Variants in TP53BP1 observed in about 807,000 individuals in gnomAD.
TP53BP1 encodes tumor protein p53 binding protein 1.
Under a neutral mutation model 200.8 loss-of-function variants are expected in TP53BP1, and 61 were observed. The observed-to-expected ratio is 0.30, with a 90% CI of 0.25 to 0.38. The LOEUF is 0.38. Among genes scored for constraint, TP53BP1 ranks in the 10% least tolerant of loss-of-function variants. The pLI is 1.00. For missense variants in TP53BP1, 2,144 were observed against 2,371.9 expected, an observed-to-expected ratio of 0.90 and a Z score of 2.00; for synonymous variants, 822 against 844.3, an observed-to-expected ratio of 0.97 and a Z score of 0.46.
At chr15:43,445,325 G>A (rs2143004615) in intron 14 of TP53BP1, among the ~76,000 whole-genome samples, 1 of 152,134 alleles carries the variant, frequency 6.6e-6, no homozygotes, top group Middle Eastern at 3.4e-3. Flanking sequence ...TACTAAACTT[G>A]CTCCTGTGCC....
intron 1 of TP53BP1, among the ~76,000 whole-genome samples, chr15:43,501,513 C>T (rs904280397): frequency 1.3e-5 from 2 of 152,100 alleles, no homozygotes; most frequent in Admixed American, 6.6e-5. Context: ...CGTGCTTGGC[C>T]AGTAATTTGA....
At chr15:43,434,202 C>G (rs1566931250) in intron 16 of TP53BP1, among the ~76,000 whole-genome samples, 2 of 152,052 alleles carry the variant, frequency 1.3e-5, no homozygotes. Flanking sequence ...CCATGAGTAG[C>G]ACTTACCTCT....
At chr15:43,412,709 C>T (rs576212031) in intron 24 of TP53BP1, 20 of 471,686 alleles carry the variant, frequency 4.2e-5, no homozygotes, top group African/African-American at 1.6e-4. Flanking sequence ...GCCCATAGAA[C>T]GCAAATGGGG....
intron 10 of TP53BP1, among the ~76,000 whole-genome samples, chr15:43,472,401 G>GT (rs1211348453): frequency 7.2e-5 from 11 of 152,040 alleles, no homozygotes; most frequent in Admixed American, 2.0e-4. Flanking sequence ...TGTAGAAATC[G>GT]TAAGAACTTA....
intron 19 of TP53BP1, among the ~76,000 whole-genome samples, 156 bp from the exon 20 acceptor site, chr15:43,421,330 T>C (rs2045391997): frequency 6.6e-6 from 1 of 152,162 alleles, no homozygotes; most frequent in Admixed American, 6.5e-5. Context: ...CAAAATCTCA[T>C]GCAGGGAGTG....
chr15:43,474,882 A>G, intron 9 of TP53BP1, 115 bp from the exon 10 acceptor site: 1 of 660,038 alleles, frequency 1.5e-6, no homozygotes, highest in Non-Finnish European at 2.5e-6. Context: ...ATAAATACTT[A>G]TCAGCACTTT....
chr15:43,491,547 G>A, intron 4 of TP53BP1, 122 bp downstream of exon 4: 2 of 787,952 alleles, frequency 2.5e-6, no homozygotes. Context: ...CAACCCTCAA[G>A]TCCCATTTCC....
chr15:43,459,625 C>A (rs1250043929), intron 11 of TP53BP1, among the ~76,000 whole-genome samples: 1 of 151,486 alleles, frequency 6.6e-6, no homozygotes. Context: ...AAATAAAAGA[C>A]CACACACACT....
At chr15:43,431,997 G>T (rs1011566081) in intron 17 of TP53BP1, among the ~76,000 whole-genome samples, 197 bp downstream of exon 17, 1 of 152,156 alleles carries the variant, frequency 6.6e-6, no homozygotes, top group Non-Finnish European at 1.5e-5. Context: ...TTCCCTAAAA[G>T]ACTATCTAAT....
At chr15:43,487,305 G>A (rs2079059628) in intron 4 of TP53BP1, among the ~76,000 whole-genome samples, 1 of 141,968 alleles carries the variant, frequency 7.0e-6, no homozygotes, top group African/African-American at 2.4e-5. Context: ...AAAAAATACT[G>A]AAAACACCAA....
Position 43,421,158 on chromosome 15 carries a change from T to A in TP53BP1, c.4117A>T (p.Ser1373Cys). 1 of 1,614,104 alleles carries A rather than the reference T, an allele frequency of 6.2e-7. No individual in the cohort carries two copies. Among genetic ancestry groups the A allele is most frequent in the South Asian group, 1.1e-5 (1 of 91,070 alleles). Residue 1373 changes from serine (S) to cysteine (C), a missense_variant, in exon 20 of 28, where the codon AGT (serine) becomes TGT (cysteine). Around this residue, in one of 4 missense-constraint regions of TP53BP1, gnomAD observed 1,700 missense variants for 1,710.3 expected, o/e 0.99. Coordinates refer to ENST00000382044, the MANE Select transcript of TP53BP1 (RefSeq NM_001141980.3). ...TCACACACTGGCGTCCCTGTCTGACTGACCCCTTTTCTAGGACTAGAGAAT... is the reference window on the plus strand; with the variant it reads ...TCACACACTGGCGTCCCTGTCTGACAGACCCCTTTTCTAGGACTAGAGAAT... ...PGKLSPRKGV[S>C]QTGTPVCEED...
intron 12 of TP53BP1, among the ~76,000 whole-genome samples, chr15:43,449,263 T>G (rs943317606): frequency 3.3e-5 from 5 of 152,250 alleles, no homozygotes; most frequent in Non-Finnish European, 7.3e-5. Flanking sequence ...GCATTCATTC[T>G]GTGGTAGCCC....
Position 43,456,843 on chromosome 15 carries a change from C to G in TP53BP1, c.1765G>C (p.Asp589His). 5 of 1,613,940 alleles carry G rather than the reference C, an allele frequency of 3.1e-6. No homozygotes were observed. The highest frequency in any genetic ancestry group is 4.2e-6 in the Non-Finnish European group (5 of 1,180,032). Reference protein sequence around the residue: ...DGEVQLSQNDDKTKGDDTDTR... With the variant: ...DGEVQLSQNDHKTKGDDTDTR... ...TCTGTATCATCTCCCTTTGTTTTGTCATCATTCTGACTCAGTTGTACTTCA... is the reference window on the plus strand; with the variant it reads ...TCTGTATCATCTCCCTTTGTTTTGTGATCATTCTGACTCAGTTGTACTTCA... The change falls in exon 12 of 28, where the codon GAC (aspartate) becomes CAC (histidine). Residue 589 changes from aspartate (D) to histidine (H), a missense_variant. By Grantham distance (81) the Asp-to-His change is moderately conservative. Transcript: ENST00000382044.
chr15:43,503,049 G>A (rs188726860), intron 1 of TP53BP1, among the ~76,000 whole-genome samples: 33 of 152,260 alleles, frequency 2.2e-4, no homozygotes, highest in African/African-American at 6.5e-4. Context: ...CACCTTGCCC[G>A]GCCTATCTTG....
chr15:43,465,673 G>A (rs1028670482), intron 11 of TP53BP1, among the ~76,000 whole-genome samples: 1 of 152,120 alleles, frequency 6.6e-6, no homozygotes, highest in Non-Finnish European at 1.5e-5. Context: ...GAAAATAGAC[G>A]TATCCCAAAG....
intron 16 of TP53BP1, among the ~76,000 whole-genome samples, chr15:43,434,427 A>C (rs150844304): frequency 0.02 from 3,120 of 152,306 alleles, 49 homozygotes; most frequent in Middle Eastern, 0.075. Flanking sequence ...CGATTTTAGG[A>C]ATTCAATTAT....
intron 12 of TP53BP1, among the ~76,000 whole-genome samples, chr15:43,453,085 T>G (rs922022930): frequency 4.1e-5 from 6 of 147,652 alleles, no homozygotes; most frequent in African/African-American, 1.5e-4. Flanking sequence ...TCCCAGCTAC[T>G]CGGGAGGCTG....
chr15:43,464,637 C>T (rs1381727906), intron 11 of TP53BP1, among the ~76,000 whole-genome samples: 2 of 152,106 alleles, frequency 1.3e-5, no homozygotes, highest in Non-Finnish European at 2.9e-5. Context: ...GGCGTGGTGG[C>T]TCATGCCTGT....
At chr15:43,452,160 C>G (rs1318044863) in intron 12 of TP53BP1, among the ~76,000 whole-genome samples, 2 of 151,716 alleles carry the variant, frequency 1.3e-5, no homozygotes, top group African/African-American at 2.4e-5. Context: ...AAATTAGTCT[C>G]TCAACATTTA....
Sources: allele counts gnomAD v4.1 joint callset (sites outside exome capture counted in the v4.1 genomes callset), GRCh38; gene constraint gnomAD v4.1.1; regional missense constraint gnomAD v4.1.1; transcripts MANE v1.5; gene names NCBI Gene and HGNC (gene_info 2026-07-23, HGNC 2026-07-21).